Variants in LPP observed in about 807,000 individuals in gnomAD.
LPP encodes the protein lipoma-preferred partner.
A neutral mutation model predicts 60.4 loss-of-function variants in LPP; 38 were observed. That is an observed-to-expected ratio of 0.63 (90% CI 0.49 to 0.83). The LOEUF (loss-of-function observed/expected upper bound fraction) is 0.83. Ranked by LOEUF, LPP falls within the 40% of genes least tolerant of loss-of-function variation. The pLI is 0.00. For synonymous variants in LPP, 328 were observed against 290.8 expected (o/e 1.13, Z -1.30); for missense variants, 902 against 783.6 (o/e 1.15, Z -1.80).
At chr3:188,218,394 C>G (rs1382611326) in intron 1 of LPP, among the ~76,000 whole-genome samples, 1 of 152,152 alleles carries the variant, frequency 6.6e-6, no homozygotes, top group Non-Finnish European at 1.5e-5. Context: ...CAGGCCAAAG[C>G]AACTTAGCTT....
chr3:188,185,664 T>G (rs780702361), intron 1 of LPP, among the ~76,000 whole-genome samples: 6 of 152,226 alleles, frequency 3.9e-5, no homozygotes, highest in Non-Finnish European at 8.8e-5. Flanking sequence ...TTTCTTCACA[T>G]GTTTCAATCA....
intron 2 of LPP, among the ~76,000 whole-genome samples, chr3:188,262,255 C>T (rs73059675): frequency 0.03 from 4,536 of 152,116 alleles, 239 homozygotes; most frequent in African/African-American, 0.1. Flanking sequence ...CTTGACTCTA[C>T]CGATATTCCC....
intron 6 of LPP, among the ~76,000 whole-genome samples, chr3:188,608,247 T>C (rs1259854970): frequency 1.3e-5 from 2 of 152,226 alleles, no homozygotes; most frequent in African/African-American, 4.8e-5. Flanking sequence ...TATGTCACTA[T>C]TCTTCATGAC....
At chr3:188,420,016 T>C (rs1364650652) in intron 4 of LPP, among the ~76,000 whole-genome samples, 2 of 152,188 alleles carry the variant, frequency 1.3e-5, no homozygotes, top group Non-Finnish European at 2.9e-5. Context: ...CTGCAATCAT[T>C]GTTCTTGCTA....
intron 1 of LPP, among the ~76,000 whole-genome samples, chr3:188,155,262 A>G (rs1444038141): frequency 1.2e-4 from 18 of 152,056 alleles, no homozygotes; most frequent in Admixed American, 1.2e-3. Flanking sequence ...CCCTCCCCCA[A>G]CACAAAACAA....
chr3:188,773,763 A>C (rs1253741229), intron 9 of LPP, among the ~76,000 whole-genome samples: 2 of 152,188 alleles, frequency 1.3e-5, no homozygotes. Context: ...TTTGTTTAGC[A>C]TAACACATGT....
intron 6 of LPP, among the ~76,000 whole-genome samples, chr3:188,603,057 A>AATAATAATC (rs1841737146): frequency 8.4e-6 from 1 of 118,428 alleles, no homozygotes; most frequent in Non-Finnish European, 1.9e-5. Flanking sequence ...TAATAATAAT[A>AATAATAATC]ATAATAATGA....
chr3:188,864,724 G>A (rs989034790), intron 9 of LPP, among the ~76,000 whole-genome samples: 1 of 152,240 alleles, frequency 6.6e-6, no homozygotes. Context: ...GAACAAGAGT[G>A]AGTGGTCTGA....
At position 188,587,406 on chromosome 3, in the gene LPP, G is replaced by C. The variant is rs142197135; in HGVS notation, c.430-21755G>C. Among the ~76,000 whole-genome samples the C allele has an allele frequency of 9.3e-4, 140 of 149,904 alleles. 18 individuals are homozygous for C. Among genetic ancestry groups the C allele is most frequent in the African/African-American group, 3.5e-3 (138 of 39,500 alleles). ...AAAGTTGGCGCTCTACTGAAGACTGGAGCCCAAGAAGACATTTATAGGGAT... is the reference window on the plus strand; with the variant it reads ...AAAGTTGGCGCTCTACTGAAGACTGCAGCCCAAGAAGACATTTATAGGGAT... On this transcript the variant is annotated intron_variant, in intron 6 of 11. Coordinates refer to ENST00000617246, the MANE Select transcript of LPP (RefSeq NM_001375462.1).
At chr3:188,312,636 T>A (rs927880856) in intron 2 of LPP, among the ~76,000 whole-genome samples, 7 of 152,188 alleles carry the variant, frequency 4.6e-5, no homozygotes, top group African/African-American at 1.7e-4. Flanking sequence ...GTAAAAAATG[T>A]GAGGTTAGGA....
At chr3:188,553,501 G>C (rs1324740976) in intron 6 of LPP, among the ~76,000 whole-genome samples, 1 of 152,102 alleles carries the variant, frequency 6.6e-6, no homozygotes, top group Non-Finnish European at 1.5e-5. Flanking sequence ...TGGATGACCT[G>C]TCTATATATT....
At chr3:188,192,149 C>T (rs1166883435) in intron 1 of LPP, among the ~76,000 whole-genome samples, 1 of 152,226 alleles carries the variant, frequency 6.6e-6, no homozygotes, top group Non-Finnish European at 1.5e-5. Context: ...CTTATAGCAT[C>T]CTCAATGTAG....
intron 1 of LPP, among the ~76,000 whole-genome samples, chr3:188,203,504 TATATATATTTAAATATATATAA>T (rs1265676406): frequency 1.9e-4 from 14 of 73,004 alleles, no homozygotes; most frequent in East Asian, 3.3e-4. Flanking sequence ...TATATATAAA[TATATATATTTAAATATATATAA>T]ATATATATTT....
At chr3:188,336,446 G>A (rs560410206) in intron 2 of LPP, among the ~76,000 whole-genome samples, 2 of 152,304 alleles carry the variant, frequency 1.3e-5, no homozygotes, top group South Asian at 4.1e-4. Context: ...GACCCAGAGA[G>A]CAGGATATGC....
chr3:188,806,139 G>T (rs1749061102), intron 9 of LPP, among the ~76,000 whole-genome samples: 10 of 151,758 alleles, frequency 6.6e-5, no homozygotes, highest in Admixed American at 6.6e-4. Flanking sequence ...CTGATTTTCT[G>T]TCTTCTTTTT....
intron 1 of LPP, among the ~76,000 whole-genome samples, chr3:188,190,636 C>T (rs555601755): frequency 2.0e-5 from 3 of 152,236 alleles, no homozygotes; most frequent in East Asian, 1.9e-4. Context: ...GGGTGACAAG[C>T]GCTAAGCAGC....
At chr3:188,670,551 A>G (rs76635690) in intron 7 of LPP, among the ~76,000 whole-genome samples, 3,086 of 151,962 alleles carry the variant, frequency 0.02, 42 homozygotes, top group South Asian at 0.025. Flanking sequence ...ATCTCAGGCC[A>G]GAAGCAGAGG....
chr3:188,559,520 T>C (rs941372561), intron 6 of LPP, among the ~76,000 whole-genome samples: 2 of 152,044 alleles, frequency 1.3e-5, no homozygotes, highest in African/African-American at 2.4e-5. Flanking sequence ...CCTGGAACTA[T>C]AGTATGTCTT....
intron 9 of LPP, among the ~76,000 whole-genome samples, chr3:188,812,726 T>C (rs1276813067): frequency 6.6e-6 from 1 of 152,072 alleles, no homozygotes; most frequent in African/African-American, 2.4e-5. Flanking sequence ...TGGGTAATTT[T>C]TGAGATTTCC....
Sources: allele counts gnomAD v4.1 joint callset (sites outside exome capture counted in the v4.1 genomes callset), GRCh38; gene constraint gnomAD v4.1.1; transcripts MANE v1.5; gene names NCBI Gene and HGNC (gene_info 2026-07-23, HGNC 2026-07-21).